The following RPRD2 variants were observed in gnomAD, a reference collection of about 807,000 sequenced individuals.
The protein encoded by RPRD2 is regulation of nuclear pre-mRNA domain-containing protein 2.
RPRD2 carries 12 observed loss-of-function variants against 104.4 expected under a neutral mutation model. The ratio of observed to expected loss-of-function variants is 0.11; its 90% CI spans 0.07 to 0.19. The LOEUF is 0.19. RPRD2 is among the 10% of genes least tolerant of loss of function. The pLI is 1.00. For synonymous variants in RPRD2, 714 were observed against 684.9 expected, an observed-to-expected ratio of 1.04 and a Z score of -0.66; for missense variants, 1,543 against 1,790.1, an observed-to-expected ratio of 0.86 and a Z score of 2.49.
At chr1:150,406,871 C>T (rs952940220) in intron 1 of RPRD2, among the ~76,000 whole-genome samples, 4 of 152,036 alleles carry the variant, frequency 2.6e-5, no homozygotes, top group Non-Finnish European at 4.4e-5. Flanking sequence ...TGTGCTACCA[C>T]GCCCGGCTAA....
chr1:150,396,633 T>C (rs1172560290), intron 1 of RPRD2, among the ~76,000 whole-genome samples: 1 of 152,214 alleles, frequency 6.6e-6, no homozygotes, highest in Non-Finnish European at 1.5e-5. Flanking sequence ...CACTTTATCT[T>C]GTTTGCTTTG....
At position 150,434,191 on chromosome 1, in the gene RPRD2, C is replaced by G. The variant is rs587721295; in HGVS notation, c.336-6732C>G. ...CCAACGTGGCAAAACCTGTCTCTAC[C>G]AAAAAATACAAAAATTAGCTGGGCA... On this transcript the variant is annotated intron_variant, in intron 2 of 10. Coordinates refer to ENST00000369068, the MANE Select transcript of RPRD2 (RefSeq NM_015203.5). Among the ~76,000 whole-genome samples, 5 of 151,604 alleles carry G rather than the reference C, an allele frequency of 3.3e-5. No homozygotes were observed. The East Asian group carries it at 9.8e-4, about 30-fold the overall frequency.
At chr1:150,394,269 T>C (rs1291362563) in intron 1 of RPRD2, among the ~76,000 whole-genome samples, 4 of 152,092 alleles carry the variant, frequency 2.6e-5, no homozygotes, top group Non-Finnish European at 5.9e-5. Context: ...AGGCTGTTCT[T>C]GAACTCCCTA....
rs376679277 is a variant in RPRD2, at chr1:150,473,137, C to T, written c.4189C>T (p.Pro1397Ser). 22 of 1,613,924 alleles carry T rather than the reference C, an allele frequency of 1.4e-5. No individual in the cohort carries two copies. In the African/African-American group the frequency reaches 2.4e-4, roughly 18 times the overall value. The stretch of plus-strand genomic sequence containing the variant: ...GGGAGGCAGCAACAGCAGCAGTGGC[C>T]CCCCCTTGGGTCCCTCACACAGAGA... ...GGGGSNSSSG[P>S]PLGPSHRDTI... The change falls in exon 11 of 11, where the codon CCC becomes TCC. Residue 1397 changes from proline (P) to serine (S), a missense_variant. By Grantham distance (74) the Pro-to-Ser change is moderately conservative. Transcript: ENST00000369068.
At chr1:150,431,516 T>C (rs767057475) in intron 2 of RPRD2, among the ~76,000 whole-genome samples, 3 of 149,540 alleles carry the variant, frequency 2.0e-5, no homozygotes, top group African/African-American at 4.9e-5. Context: ...GTTTTGTCCT[T>C]GTTGCCCTGG....
intron 1 of RPRD2, among the ~76,000 whole-genome samples, chr1:150,388,418 A>G (rs1288608598): frequency 1.3e-5 from 2 of 150,876 alleles, no homozygotes; most frequent in Non-Finnish European, 1.5e-5. Flanking sequence ...ATACACATGT[A>G]TATATATACA....
chr1:150,428,073 G>A (rs2102309816), intron 2 of RPRD2, among the ~76,000 whole-genome samples: 1 of 152,078 alleles, frequency 6.6e-6, no homozygotes, highest in Non-Finnish European at 1.5e-5. Flanking sequence ...TAAAACTAAA[G>A]TGGTACATTA....
chr1:150,422,873 A>AT (rs1225816204), intron 2 of RPRD2, among the ~76,000 whole-genome samples: 1 of 152,198 alleles, frequency 6.6e-6, no homozygotes, highest in Non-Finnish European at 1.5e-5. Flanking sequence ...ACATGTTAAA[A>AT]GAGGTGCCCA....
chr1:150,365,029 C>T (rs1159290645), intron 1 of RPRD2, 110 bp downstream of exon 1: 2 of 1,150,818 alleles, frequency 1.7e-6, no homozygotes, highest in Admixed American at 4.9e-5. Context: ...TGGGGTTGTT[C>T]ACATTAAAGG....
At chr1:150,386,802 C>T (rs1409960655) in intron 1 of RPRD2, among the ~76,000 whole-genome samples, 3 of 152,138 alleles carry the variant, frequency 2.0e-5, no homozygotes, top group African/African-American at 7.2e-5. Flanking sequence ...AGTGGATACT[C>T]ACAATGCTTG....
intron 1 of RPRD2, among the ~76,000 whole-genome samples, chr1:150,386,928 C>T (rs1415084228): frequency 1.3e-5 from 2 of 152,144 alleles, no homozygotes; most frequent in Admixed American, 1.3e-4. Context: ...GTTTACATTA[C>T]TCTCAACTGG....
At chr1:150,456,189 AT>A (rs1238162563) in intron 7 of RPRD2, among the ~76,000 whole-genome samples, 11 of 148,778 alleles carry the variant, frequency 7.4e-5, no homozygotes, top group South Asian at 2.1e-4. Flanking sequence ...TTTGGATTTG[AT>A]TTTTTTTTTC....
intron 2 of RPRD2, 30 bp downstream of exon 2, chr1:150,417,755 C>T (rs1333397442): frequency 6.6e-7 from 1 of 1,513,826 alleles, no homozygotes; most frequent in Admixed American, 2.0e-5. Context: ...TCTATGGGAT[C>T]TAAACTTAGA....
intron 1 of RPRD2, among the ~76,000 whole-genome samples, chr1:150,393,193 G>A (rs1221049434): frequency 6.6e-6 from 1 of 152,018 alleles, no homozygotes; most frequent in African/African-American, 2.4e-5. Context: ...AGAGGGCTGG[G>A]TGCGGTGGCT....
At chr1:150,385,669 T>G (rs1209416976) in intron 1 of RPRD2, among the ~76,000 whole-genome samples, 19 of 152,228 alleles carry the variant, frequency 1.2e-4, no homozygotes, top group Admixed American at 1.2e-3. Flanking sequence ...ACCCTTAGTG[T>G]TGTCATATGT....
chr1:150,413,732 C>T (rs1664112534), intron 1 of RPRD2, among the ~76,000 whole-genome samples: 1 of 151,918 alleles, frequency 6.6e-6, no homozygotes, highest in Non-Finnish European at 1.5e-5. Context: ...TCAAGACCAG[C>T]CTGACCAACA....
At chr1:150,415,505 A>C (rs1409529327) in intron 1 of RPRD2, among the ~76,000 whole-genome samples, 1 of 150,666 alleles carries the variant, frequency 6.6e-6, no homozygotes, top group Non-Finnish European at 1.5e-5. Context: ...CAACATGGCA[A>C]ACCCTTGTCT....
At chr1:150,365,787 C>T (rs1659796386) in intron 1 of RPRD2, among the ~76,000 whole-genome samples, 1 of 152,084 alleles carries the variant, frequency 6.6e-6, no homozygotes, top group Non-Finnish European at 1.5e-5. Flanking sequence ...GACGGGGTTT[C>T]ATCATTGTGG....
At chr1:150,450,959 T>C (rs1344499829) in intron 7 of RPRD2, among the ~76,000 whole-genome samples, 1 of 152,174 alleles carries the variant, frequency 6.6e-6, no homozygotes, top group Non-Finnish European at 1.5e-5. Context: ...GACACACTTA[T>C]AATCTAATCC....
Sources: gnomAD v4.1 joint callset for allele counts (sites outside exome capture counted in the v4.1 genomes callset) on GRCh38, gnomAD v4.1.1 for gene constraint, MANE v1.5 for transcripts, NCBI Gene and HGNC (gene_info 2026-07-23, HGNC 2026-07-21) for gene names.